The following MYO6 variants were observed in gnomAD, a reference collection of about 807,000 sequenced individuals.
MYO6 encodes the protein myosin VI.
A neutral mutation model predicts 178.7 loss-of-function variants in MYO6; 74 were observed. That is an observed-to-expected ratio of 0.41 (90% CI 0.34 to 0.50). MYO6 has a LOEUF of 0.50. Among genes scored for constraint, MYO6 ranks in the 20% least tolerant of loss-of-function variants. The probability of loss-of-function intolerance (pLI) is 0.09; values close to 1 mark genes in which losing one functional copy is unlikely to be tolerated. For missense variants in MYO6, 1,330 were observed against 1,547.4 expected, an observed-to-expected ratio of 0.86 and a Z score of 2.36; for synonymous variants, 477 against 504.6, an observed-to-expected ratio of 0.95 and a Z score of 0.73.
At chr6:75,821,671 T>C (rs1771891206) in intron 2 of MYO6, among the ~76,000 whole-genome samples, 1 of 152,076 alleles carries the variant, frequency 6.6e-6, no homozygotes, top group Non-Finnish European at 1.5e-5. Context: ...ATAAATATTA[T>C]TTTAAAATAA....
chr6:75,765,741 GA>G (rs1213903612), intron 1 of MYO6, among the ~76,000 whole-genome samples: 1 of 151,922 alleles, frequency 6.6e-6, no homozygotes, highest in Non-Finnish European at 1.5e-5. Flanking sequence ...TCAAAAAAAA[GA>G]AAAGGCTAGG....
intron 1 of MYO6, among the ~76,000 whole-genome samples, chr6:75,783,403 C>T (rs933724522): frequency 6.6e-6 from 1 of 152,122 alleles, no homozygotes; most frequent in African/African-American, 2.4e-5. Flanking sequence ...ATTAGGACGT[C>T]GAAGTAGACT....
chr6:75,761,078 G>T (rs1777902713), intron 1 of MYO6, among the ~76,000 whole-genome samples: 1 of 152,132 alleles, frequency 6.6e-6, no homozygotes, highest in South Asian at 2.1e-4. Flanking sequence ...GAAGAAGAAT[G>T]TATTAGTTTC....
intron 18 of MYO6, 51 bp from the exon 19 acceptor site, chr6:75,870,596 C>G (rs1777066659): frequency 1.4e-6 from 2 of 1,413,020 alleles, no homozygotes; most frequent in Non-Finnish European, 2.0e-6. Context: ...ACTCATGACA[C>G]TGTGTACTTT....
chr6:75,763,018 G>A (rs960085218), intron 1 of MYO6, among the ~76,000 whole-genome samples: 7 of 150,504 alleles, frequency 4.7e-5, no homozygotes, highest in African/African-American at 1.7e-4. Flanking sequence ...CACTGCATCT[G>A]ACCTGTAATT....
intron 6 of MYO6, among the ~76,000 whole-genome samples, 177 bp from the exon 7 acceptor site, chr6:75,835,724 A>T (rs996312105): frequency 1.3e-5 from 2 of 152,096 alleles, no homozygotes; most frequent in African/African-American, 4.8e-5. Flanking sequence ...GAGCCACCAC[A>T]CCTGACCCCA....
In MYO6 at chr6:75,914,296, C is replaced by T; in HGVS notation, c.3658+15C>T. 6.2e-7 allele frequency: 1 copy of T among 1,609,506 alleles called. No individual in the cohort carries two copies. Among genetic ancestry groups the T allele is most frequent in the Non-Finnish European group, 8.5e-7 (1 of 1,175,836 alleles). On this transcript the variant is annotated intron_variant, in intron 34 of 34. Coordinates refer to ENST00000369977, the MANE Select transcript of MYO6 (RefSeq NM_004999.4). ...ACTTGTGGCTGGTGTGTATGATTCA[C>T]ATGGAAAACAAATTATAGAACAAAA...
At chr6:75,855,547 A>G (rs1185350398) in intron 12 of MYO6, among the ~76,000 whole-genome samples, 1 of 152,166 alleles carries the variant, frequency 6.6e-6, no homozygotes, top group Non-Finnish European at 1.5e-5. Flanking sequence ...TCAATATATG[A>G]CAGTTTTAGG....
intron 16 of MYO6, among the ~76,000 whole-genome samples, chr6:75,864,500 A>G (rs1312116474): frequency 1.3e-5 from 2 of 152,206 alleles, no homozygotes; most frequent in Non-Finnish European, 2.9e-5. Flanking sequence ...GCTAAAATTG[A>G]AGATATATAT....
chr6:75,776,587 A>G (rs954931648), intron 1 of MYO6, among the ~76,000 whole-genome samples: 1 of 151,874 alleles, frequency 6.6e-6, no homozygotes, highest in Non-Finnish European at 1.5e-5. Flanking sequence ...AAGCACTACT[A>G]TCATTTTGGT....
chr6:75,903,226 T>G (rs1476960679), intron 30 of MYO6, among the ~76,000 whole-genome samples: 7 of 151,838 alleles, frequency 4.6e-5, no homozygotes, highest in South Asian at 4.2e-4. Flanking sequence ...GAGAGTTCTG[T>G]AGATGTCTAT....
chr6:75,909,758 C>T (rs1368692204), intron 32 of MYO6, among the ~76,000 whole-genome samples: 1 of 152,030 alleles, frequency 6.6e-6, no homozygotes, highest in Non-Finnish European at 1.5e-5. Flanking sequence ...GTGTTTTTTT[C>T]CCCTAAGCGG....
At chr6:75,913,109 T>C (rs1462694880) in intron 33 of MYO6, among the ~76,000 whole-genome samples, 1 of 152,196 alleles carries the variant, frequency 6.6e-6, no homozygotes, top group African/African-American at 2.4e-5. Context: ...AGTGAGACTC[T>C]TAACTGAGCT....
intron 20 of MYO6, among the ~76,000 whole-genome samples, chr6:75,875,049 A>G (rs1275057809): frequency 6.6e-6 from 1 of 152,160 alleles, no homozygotes; most frequent in South Asian, 2.1e-4. Context: ...ATTCCCCTGC[A>G]GGCTCATTTT....
At chr6:75,773,302 C>T (rs1475343560) in intron 1 of MYO6, among the ~76,000 whole-genome samples, 1 of 152,164 alleles carries the variant, frequency 6.6e-6, no homozygotes, top group African/African-American at 2.4e-5. Context: ...CTCAACTCTG[C>T]AGCTGAACCA....
intron 14 of MYO6, among the ~76,000 whole-genome samples, chr6:75,859,408 T>C (rs1776000554): frequency 6.6e-6 from 1 of 151,832 alleles, no homozygotes; most frequent in African/African-American, 2.4e-5. Context: ...CAAGCGATTC[T>C]CCTGCCTCAG....
rs576861754 is a variant in MYO6 at position 75,809,049 on chromosome 6, G to A, written c.-47-8452G>A. Among the ~76,000 whole-genome samples the A allele has an allele frequency of 4.6e-5, 7 of 152,342 alleles. No homozygotes were observed. The East Asian group carries it at 9.6e-4, about 21-fold the overall frequency. ...TGGCAGAAGAAGCAATGAGATATGC[G>A]TTTGTCTCACATGAGCCTCAGCGAG... On this transcript the variant is annotated intron_variant, in intron 1 of 34. Transcript: ENST00000369977.
At chr6:75,837,108 T>A (rs1773719209) in intron 7 of MYO6, among the ~76,000 whole-genome samples, 1 of 152,150 alleles carries the variant, frequency 6.6e-6, no homozygotes, top group African/African-American at 2.4e-5. Context: ...TTTTTCTCCT[T>A]CTCCCTGTCT....
At chr6:75,783,156 A>G (rs964736921) in intron 1 of MYO6, among the ~76,000 whole-genome samples, 4 of 151,954 alleles carry the variant, frequency 2.6e-5, no homozygotes, top group Admixed American at 6.6e-5. Flanking sequence ...GGCTCAAGCG[A>G]TCCTCTTCCC....
Sources: gnomAD v4.1 joint callset for allele counts (sites outside exome capture counted in the v4.1 genomes callset) on GRCh38, gnomAD v4.1.1 for gene constraint, MANE v1.5 for transcripts, NCBI Gene and HGNC (gene_info 2026-07-23, HGNC 2026-07-21) for gene names.